Variants in ATF7IP2 observed in about 807,000 individuals in gnomAD.
The protein encoded by ATF7IP2 is activating transcription factor 7 interacting protein 2.
A neutral mutation model predicts 64.2 loss-of-function variants in ATF7IP2; 42 were observed. The ratio of observed to expected loss-of-function variants is 0.65; its 90% CI spans 0.51 to 0.85. The LOEUF (loss-of-function observed/expected upper bound fraction) is 0.85, where lower values mean the gene tolerates loss of function less well. Among genes scored for constraint, ATF7IP2 ranks in the 40% least tolerant of loss-of-function variants. The pLI, the probability that ATF7IP2 is intolerant of heterozygous loss-of-function variation, is 0.00. For synonymous variants in ATF7IP2, 308 were observed against 272.8 expected (o/e 1.13, Z -1.27); for missense variants, 933 against 784.2 (o/e 1.19, Z -2.27).
chr16:10,390,257 G>A (rs1002031646), intron 1 of ATF7IP2, among the ~76,000 whole-genome samples: 1 of 151,910 alleles, frequency 6.6e-6, no homozygotes, highest in African/African-American at 2.4e-5. Flanking sequence ...CCATAACTTC[G>A]AACTATAACA....
intron 9 of ATF7IP2, among the ~76,000 whole-genome samples, chr16:10,459,237 G>C (rs1352291483): frequency 6.6e-6 from 1 of 152,136 alleles, no homozygotes; most frequent in East Asian, 1.9e-4. Context: ...CGGAGGCCTA[G>C]GTGGGTGGAT....
intron 2 of ATF7IP2, among the ~76,000 whole-genome samples, chr16:10,418,092 T>C (rs1440633780): frequency 6.6e-6 from 1 of 152,238 alleles, no homozygotes; most frequent in Non-Finnish European, 1.5e-5. Context: ...ACATATTCAT[T>C]GACAGCAAGC....
intron 1 of ATF7IP2, among the ~76,000 whole-genome samples, chr16:10,408,649 C>T (rs1197228531): frequency 6.6e-6 from 1 of 152,006 alleles, no homozygotes; most frequent in East Asian, 1.9e-4. Context: ...TTGAGAATTG[C>T]CTGTTCATTT....
chr16:10,481,324 G>A (rs764366340), intron 13 of ATF7IP2, among the ~76,000 whole-genome samples: 23 of 151,788 alleles, frequency 1.5e-4, no homozygotes, highest in Non-Finnish European at 2.9e-4. Context: ...TCCACCTCCT[G>A]GGTTCAAGTG....
intron 3 of ATF7IP2, among the ~76,000 whole-genome samples, chr16:10,422,333 C>G (rs1328192641): frequency 6.6e-6 from 1 of 152,174 alleles, no homozygotes; most frequent in Non-Finnish European, 1.5e-5. Context: ...TTCCTTCAAA[C>G]TTTGCAAATT....
At chr16:10,440,718 G>A (rs951856361) in intron 8 of ATF7IP2, among the ~76,000 whole-genome samples, 1 of 152,156 alleles carries the variant, frequency 6.6e-6, no homozygotes, top group African/African-American at 2.4e-5. Flanking sequence ...ATTTTATCAT[G>A]AAAAGTATCA....
intron 8 of ATF7IP2, among the ~76,000 whole-genome samples, chr16:10,455,171 T>A (rs2049125605): frequency 6.6e-6 from 1 of 152,196 alleles, no homozygotes; most frequent in Non-Finnish European, 1.5e-5. Flanking sequence ...TATGTTACCT[T>A]ACATGGTGAA....
intron 1 of ATF7IP2, chr16:10,387,029 G>C (rs2047216590): frequency 6.6e-6 from 1 of 152,116 alleles, no homozygotes; most frequent in African/African-American, 2.4e-5. Flanking sequence ...TGGAAGAAGA[G>C]GACAGTTGTA....
intron 9 of ATF7IP2, among the ~76,000 whole-genome samples, chr16:10,469,997 C>T (rs1596610287): frequency 6.6e-6 from 1 of 150,926 alleles, no homozygotes; most frequent in African/African-American, 2.4e-5. Flanking sequence ...GGAGAGAATA[C>T]ATCAACAGAC....
chr16:10,429,497 G>A (rs968709245), intron 4 of ATF7IP2, among the ~76,000 whole-genome samples: 3 of 152,016 alleles, frequency 2.0e-5, no homozygotes, highest in African/African-American at 7.2e-5. Context: ...TTACAGGCAT[G>A]TGCCAGCATG....
chr16:10,419,756 A>C (rs188686695), intron 3 of ATF7IP2, 133 bp downstream of exon 3: 3 of 152,352 alleles, frequency 2.0e-5, no homozygotes, highest in Non-Finnish European at 4.4e-5. Context: ...GCTCATAGTA[A>C]GGCTTTAGGT....
At chr16:10,397,577 G>A (rs565255458) in intron 1 of ATF7IP2, among the ~76,000 whole-genome samples, 2 of 152,218 alleles carry the variant, frequency 1.3e-5, no homozygotes, top group East Asian at 1.9e-4. Context: ...CAGAGAGACC[G>A]TGCCTCAAAA....
intron 1 of ATF7IP2, among the ~76,000 whole-genome samples, chr16:10,413,660 T>C (rs2047815531): frequency 6.6e-6 from 1 of 152,224 alleles, no homozygotes; most frequent in South Asian, 2.1e-4. Flanking sequence ...AGGTTCTGTT[T>C]TGATGTGTTT....
chr16:10,481,703 G>A, intron 13 of ATF7IP2, 133 bp from the exon 14 acceptor site: 2 of 750,946 alleles, frequency 2.7e-6, no homozygotes, highest in East Asian at 2.9e-5. Context: ...TTAAAGGACT[G>A]GATCCAGCCT....
intron 9 of ATF7IP2, among the ~76,000 whole-genome samples, chr16:10,466,916 T>C (rs2049594841): frequency 6.6e-6 from 1 of 152,200 alleles, no homozygotes; most frequent in African/African-American, 2.4e-5. Flanking sequence ...ACTCAAGTGT[T>C]TGGATCACCT....
chr16:10,475,722 GAAAAAAA>G (rs386384218), intron 12 of ATF7IP2, among the ~76,000 whole-genome samples: 8 of 41,644 alleles, frequency 1.9e-4, no homozygotes, highest in African/African-American at 9.6e-4. Flanking sequence ...TAAGAAGCCA[GAAAAAAA>G]AAAAAAAAAA....
intron 8 of ATF7IP2, chr16:10,448,463 G>C (rs992118213): frequency 6.6e-6 from 1 of 152,084 alleles, no homozygotes; most frequent in Non-Finnish European, 1.5e-5. Context: ...GTGGTTTGTA[G>C]TTCTCCTTGA....
At chr16:10,442,063 C>T (rs7205595) in intron 8 of ATF7IP2, among the ~76,000 whole-genome samples, 83,343 of 152,042 alleles carry the variant, frequency 0.55, 22,947 homozygotes, top group East Asian at 0.69. Context: ...ACAATCTAAA[C>T]TCATCCCAAT....
intron 1 of ATF7IP2, among the ~76,000 whole-genome samples, chr16:10,391,020 C>T (rs1075879): frequency 0.18 from 27,200 of 151,418 alleles, 2,579 homozygotes; most frequent in South Asian, 0.24. Context: ...TAGCTGGGTG[C>T]AGTAGCATGC....
Sources: gnomAD v4.1 joint callset for allele counts (sites outside exome capture counted in the v4.1 genomes callset) on GRCh38, gnomAD v4.1.1 for gene constraint, MANE v1.5 for transcripts, NCBI Gene and HGNC (gene_info 2026-07-23, HGNC 2026-07-21) for gene names.